The following STK32B variants were observed in gnomAD, a reference collection of about 807,000 sequenced individuals.
The protein encoded by STK32B is serine/threonine kinase 32B, also known as serine/threonine-protein kinase 32B.
A neutral mutation model predicts 52.6 loss-of-function variants in STK32B; 43 were observed. The ratio of observed to expected loss-of-function variants is 0.82; its 90% CI spans 0.64 to 1.05. The LOEUF (loss-of-function observed/expected upper bound fraction) is 1.05, where lower values mean the gene tolerates loss of function less well. Ranked by LOEUF, STK32B falls within the 50% of genes least tolerant of loss-of-function variation. The pLI, the probability that STK32B is intolerant of heterozygous loss-of-function variation, is 0.00. For synonymous variants in STK32B, 238 were observed against 204.3 expected (o/e 1.17, Z -1.41); for missense variants, 621 against 534.6 (o/e 1.16, Z -1.59).
chr4:5,164,371 C>T (rs1274588928), intron 2 of STK32B, among the ~76,000 whole-genome samples: 1 of 152,156 alleles, frequency 6.6e-6, no homozygotes, highest in African/African-American at 2.4e-5. Context: ...CTCCCCTTCT[C>T]TTCTCTTCTA....
At chr4:5,088,010 A>G (rs1038093250) in intron 1 of STK32B, among the ~76,000 whole-genome samples, 4 of 152,126 alleles carry the variant, frequency 2.6e-5, no homozygotes, top group Non-Finnish European at 5.9e-5. Flanking sequence ...TTAAGTGCTC[A>G]TGAAACATTT....
At chr4:5,196,935 G>A (rs1161590545) in intron 3 of STK32B, among the ~76,000 whole-genome samples, 1 of 152,010 alleles carries the variant, frequency 6.6e-6, no homozygotes, top group Non-Finnish European at 1.5e-5. Context: ...GGGTGCCATG[G>A]CAGATATGAT....
chr4:5,339,994 A>G (rs1416943614), intron 4 of STK32B, among the ~76,000 whole-genome samples: 2 of 152,174 alleles, frequency 1.3e-5, no homozygotes, highest in Non-Finnish European at 2.9e-5. Context: ...AAAACAAAAG[A>G]TATTTTAGGG....
the STK32B span, among the ~76,000 whole-genome samples, chr4:5,042,922 A>C: frequency 2.6e-5 from 4 of 151,758 alleles, no homozygotes; most frequent in East Asian, 1.9e-4. Flanking sequence ...CTGGCTAACA[A>C]GGTGAAACCC....
intron 4 of STK32B, among the ~76,000 whole-genome samples, chr4:5,367,866 A>T (rs1479573506): frequency 6.6e-6 from 1 of 151,944 alleles, no homozygotes. Flanking sequence ...CCAGTTTAAA[A>T]CTCCAATCTC....
intron 3 of STK32B, among the ~76,000 whole-genome samples, chr4:5,298,547 C>A (rs1055720352): frequency 6.6e-6 from 1 of 152,112 alleles, no homozygotes; most frequent in Admixed American, 6.5e-5. Flanking sequence ...CAGTGGGTTC[C>A]GCTCAGTCTG....
intron 3 of STK32B, among the ~76,000 whole-genome samples, chr4:5,301,035 G>C (rs897204516): frequency 5.9e-5 from 9 of 152,022 alleles, no homozygotes; most frequent in Admixed American, 2.0e-4. Flanking sequence ...AATATATTAA[G>C]ATGATCATAT....
chr4:5,185,298 G>T (rs374183960), intron 3 of STK32B, among the ~76,000 whole-genome samples: 2 of 152,122 alleles, frequency 1.3e-5, no homozygotes, highest in African/African-American at 4.8e-5. Context: ...AACATTCTCA[G>T]GATGAGAACA....
chr4:5,184,521 C>G (rs1172429758), intron 3 of STK32B, among the ~76,000 whole-genome samples: 1 of 151,906 alleles, frequency 6.6e-6, no homozygotes, highest in East Asian at 1.9e-4. Context: ...AACCCTGTCT[C>G]TACCAAAAAT....
chr4:5,411,461 A>T (rs1400035237), intron 5 of STK32B, among the ~76,000 whole-genome samples: 1 of 152,250 alleles, frequency 6.6e-6, no homozygotes, highest in Non-Finnish European at 1.5e-5. Context: ...ATAAAAAATA[A>T]TACAAATACA....
At chr4:5,212,949 G>T (rs929713671) in intron 3 of STK32B, among the ~76,000 whole-genome samples, 1 of 152,082 alleles carries the variant, frequency 6.6e-6, no homozygotes, top group Non-Finnish European at 1.5e-5. Context: ...GCGCTTTCTG[G>T]TTCTGTCTCT....
intron 6 of STK32B, among the ~76,000 whole-genome samples, chr4:5,419,545 CGTT>C (rs765415221): frequency 1.6e-4 from 24 of 152,306 alleles, no homozygotes; most frequent in African/African-American, 5.1e-4. Flanking sequence ...TTCTCAAAGT[CGTT>C]GTCTGTGTTT....
At chr4:5,030,481 G>A in the STK32B span, among the ~76,000 whole-genome samples, 1 of 152,228 alleles carries the variant, frequency 6.6e-6, no homozygotes. Context: ...TGGCATGATA[G>A]TCTGGGTGCC....
chr4:5,333,104 T>A (rs1732386776), intron 4 of STK32B, among the ~76,000 whole-genome samples: 1 of 152,026 alleles, frequency 6.6e-6, no homozygotes, highest in Non-Finnish European at 1.5e-5. Context: ...TAGTTTACAG[T>A]CCCACCAACA....
chr4:5,104,382 C>T (rs1274279314), intron 1 of STK32B, among the ~76,000 whole-genome samples: 1 of 152,186 alleles, frequency 6.6e-6, no homozygotes, highest in East Asian at 1.9e-4. Context: ...TCCATTAAAC[C>T]TCTTTCCTTT....
intron 3 of STK32B, among the ~76,000 whole-genome samples, chr4:5,174,612 G>A (rs563929168): frequency 3.7e-4 from 56 of 152,292 alleles, no homozygotes; most frequent in African/African-American, 5.8e-4. Context: ...TTTTATTTAA[G>A]AATGTTGAAT....
the STK32B span, among the ~76,000 whole-genome samples, chr4:5,037,659 C>T: frequency 6.6e-6 from 1 of 152,186 alleles, no homozygotes; most frequent in Non-Finnish European, 1.5e-5. Flanking sequence ...CCAAAGCAAA[C>T]CCTCTTTCCC....
chr4:5,259,787 C>T lies in STK32B; in HGVS notation c.261-71433C>T, dbSNP rs368274700. On this transcript the variant is annotated intron_variant, in intron 3 of 11. Coordinates refer to ENST00000282908, the MANE Select transcript of STK32B (RefSeq NM_018401.3). ...GATGCACTCTAGTCAGGGAGACAGA[C>T]GCACCAGACTATTTTAATGCAAAAT... Among the ~76,000 whole-genome samples the T allele has an allele frequency of 2.2e-3, 330 of 152,174 alleles. 3 individuals carry two copies. Among genetic ancestry groups the T allele is most frequent in the Non-Finnish European group, 3.4e-3 (230 of 68,024 alleles).
At chr4:5,061,781 T>G (rs1268556869) in intron 1 of STK32B, among the ~76,000 whole-genome samples, 2 of 152,158 alleles carry the variant, frequency 1.3e-5, no homozygotes, top group African/African-American at 4.8e-5. Context: ...TTACCAAGCC[T>G]CCTCCTCTTT....
Sources: allele counts gnomAD v4.1 joint callset (sites outside exome capture counted in the v4.1 genomes callset), GRCh38; gene constraint gnomAD v4.1.1; transcripts MANE v1.5; gene names NCBI Gene and HGNC (gene_info 2026-07-23, HGNC 2026-07-21).